Variants in SETD1A observed in about 807,000 individuals in gnomAD.
SETD1A encodes SET domain containing 1A, histone lysine methyltransferase.
SETD1A carries 29 observed loss-of-function variants against 149.9 expected under a neutral mutation model. The observed-to-expected ratio is 0.19, with a 90% CI of 0.14 to 0.26. The LOEUF (loss-of-function observed/expected upper bound fraction) is 0.26, where lower values mean the gene tolerates loss of function less well. Ranked by LOEUF, SETD1A falls within the 10% of genes least tolerant of loss-of-function variation. The pLI, the probability that SETD1A is intolerant of heterozygous loss-of-function variation, is 1.00. For missense variants in SETD1A, 2,109 were observed against 2,353.1 expected, an observed-to-expected ratio of 0.90 and a Z score of 2.15; for synonymous variants, 1,141 against 968.5, an observed-to-expected ratio of 1.18 and a Z score of -3.31.
At chr16:30,963,946 C>G in intron 5 of SETD1A, 148 bp from the exon 6 acceptor site, 1 of 671,396 alleles carries the variant, frequency 1.5e-6, no homozygotes. Flanking sequence ...GAGCCGAGAT[C>G]ACGCCACTGG....
intron 13 of SETD1A, 25 bp from the exon 14 acceptor site, chr16:30,979,120 T>C (rs764867083): frequency 1.4e-4 from 207 of 1,518,282 alleles, no homozygotes; most frequent in Non-Finnish European, 4.6e-5. Flanking sequence ...TGACCTCCTT[T>C]CCTTCCTATG....
chr16:30,972,451 A>G (rs200623952), intron 13 of SETD1A, among the ~76,000 whole-genome samples: 3 of 151,814 alleles, frequency 2.0e-5, no homozygotes, highest in East Asian at 3.9e-4. Context: ...CCTGGCTAAC[A>G]TGGTTGAAAC....
chr16:30,967,670 G>T (rs1420885797), intron 10 of SETD1A, 82 bp downstream of exon 10: 2 of 1,246,602 alleles, frequency 1.6e-6, no homozygotes, highest in African/African-American at 3.0e-5. Context: ...GAAGGGGTCA[G>T]GTCGTCCTGA....
chr16:30,981,885 A>G (rs1001391137), intron 17 of SETD1A, among the ~76,000 whole-genome samples: 6 of 152,132 alleles, frequency 3.9e-5, no homozygotes, highest in Non-Finnish European at 7.4e-5. Context: ...CACGAGGTGG[A>G]GGCTGCTGTG....
At chr16:30,960,525 G>A (rs185987804) in intron 3 of SETD1A, among the ~76,000 whole-genome samples, 73 of 152,138 alleles carry the variant, frequency 4.8e-4, no homozygotes, top group African/African-American at 1.6e-3. Context: ...CCATGTATGC[G>A]TCAGCTGCCA....
At position 30,961,272 on chromosome 16, in the gene SETD1A, C is replaced by T. The variant is rs779778610; in HGVS notation, c.252C>T (p.Asp84=). The T allele has an allele frequency of 1.7e-5, 27 of 1,613,872 alleles. No individual in the cohort carries two copies. The highest frequency in any genetic ancestry group is 2.7e-5 in the African/African-American group (2 of 74,878). The change falls in exon 4 of 19, where the codon GAC becomes GAT. Residue 84 remains aspartate (D), a synonymous_variant. Transcript: ENST00000262519. This position sits in a 1 kb window ranked among gnomAD's most constrained non-coding sequence, Gnocchi z 4.0. The part of the protein sequence containing the change: ...FSLPVPKFKL[D]EFYIGQIPLK... ...AACTCCTGTTCTTTCCCCAGCTGGACGAGTTCTATATTGGACAGATTCCAC... is the reference window on the plus strand; with the variant it reads ...AACTCCTGTTCTTTCCCCAGCTGGATGAGTTCTATATTGGACAGATTCCAC...
In SETD1A at chr16:30,980,674, C is replaced by T. The variant is rs367903649; in HGVS notation, c.4581+17C>T. The T allele has an allele frequency of 2.2e-4, 358 of 1,610,122 alleles. 1 individual carries two copies. The highest frequency in any genetic ancestry group is 2.2e-4 in the Non-Finnish European group (263 of 1,178,926). On this transcript the variant is annotated intron_variant, in intron 15 of 18. Coordinates refer to ENST00000262519, the MANE Select transcript of SETD1A (RefSeq NM_014712.3). The surrounding 1 kb of genome is among the most constrained non-coding windows in gnomAD (Gnocchi z 7.7). ...GACACTCAGGTGGGCCTAACCCCGC[C>T]GCCGCGTCCTCCTGCCACTCACTTC...
Position 30,969,362 on chromosome 16 carries a change from A to C in SETD1A, c.2828A>C (p.Lys943Thr). The change falls in exon 11 of 19, where the codon AAG (lysine) becomes ACG (threonine). Residue 943 changes from lysine (K) to threonine (T), a missense_variant. Coordinates refer to ENST00000262519, the MANE Select transcript of SETD1A (RefSeq NM_014712.3). The stretch of plus-strand genomic sequence containing the variant: ...GGACGTCCGGGGACCAAGCCCCCGA[A>C]GCGGGACGAAGAGCGAGGCAAGACC... The part of the protein sequence containing the change: ...EPGRPGTKPP[K>T]RDEERGKTQG... The C allele has an allele frequency of 1.2e-6, 2 of 1,614,224 alleles. No individual in the cohort carries two copies. Among genetic ancestry groups the C allele is most frequent in the Non-Finnish European group, 1.7e-6 (2 of 1,180,026 alleles).
chr16:30,969,536 C>G, intron 11 of SETD1A, 66 bp from the exon 12 acceptor site: 1 of 1,600,580 alleles, frequency 6.2e-7, no homozygotes, highest in Non-Finnish European at 8.5e-7. Context: ...GGAGCCCAGG[C>G]AGCTGTGCCT....
At chr16:30,971,165 TCAGA>T (rs1024567199) in intron 12 of SETD1A, among the ~76,000 whole-genome samples, 1 of 152,196 alleles carries the variant, frequency 6.6e-6, no homozygotes, top group Non-Finnish European at 1.5e-5. Context: ...TCGGGCCTCT[TCAGA>T]CAGAGTCTGG....
In SETD1A at chr16:30,980,440, G is replaced by A. The variant is rs757038898; in HGVS notation, c.4409-45G>A. 20 of 1,577,496 alleles carry A rather than the reference G, an allele frequency of 1.3e-5. No homozygotes were observed. The highest frequency in any genetic ancestry group is 1.6e-5 in the Non-Finnish European group (19 of 1,159,554). On this transcript the variant is annotated intron_variant, in intron 14 of 18. Coordinates refer to ENST00000262519, the MANE Select transcript of SETD1A (RefSeq NM_014712.3). This position sits in a 1 kb window ranked among gnomAD's most constrained non-coding sequence, Gnocchi z 7.7. The stretch of plus-strand genomic sequence containing the variant: ...CCCCGCCCTCTCCTTTGGCTGGGAC[G>A]CAGGTGGCCAGAGAGGAGCCGTTCT...
At position 30,966,292 on chromosome 16, in the gene SETD1A, G is replaced by C; in HGVS notation, c.2411G>C (p.Ser804Thr). 6.2e-7 allele frequency: 1 copy of C among 1,613,954 alleles called. No individual in the cohort carries two copies. Among genetic ancestry groups the C allele is most frequent in the Non-Finnish European group, 8.5e-7 (1 of 1,180,024 alleles). ...VLAMLVQEMK[S>T]IMQRDLNRKM... ...GCCATGCTGGTCCAGGAGATGAAGA[G>C]CATCATGCAGCGAGACCTCAACCGC... The change falls in exon 8 of 19, where the codon AGC (serine) becomes ACC (threonine). Residue 804 changes from serine (S) to threonine (T), a missense_variant. By Grantham distance (58) the Ser-to-Thr change is moderately conservative (BLOSUM62 1). Transcript: ENST00000262519.
chr16:30,979,222 C>A lies in SETD1A; in HGVS notation c.3436C>A (p.Arg1146Ser). Residue 1146 changes from arginine to serine, a missense_variant, in exon 14 of 19, where the codon CGC (arginine) becomes AGC (serine). Transcript: ENST00000262519. ...TGCTGGGCCCCCGGCCCCTGCCCCA[C>A]GCCCCGATGAGCGTCCCTCTTCTCC... ...PPAGPPAPAP[R>S]PDERPSSPIP... The A allele has an allele frequency of 6.3e-7, 1 of 1,588,956 alleles. No individual in the cohort carries two copies. The highest frequency in any genetic ancestry group is 8.6e-7 in the Non-Finnish European group (1 of 1,166,702).
chr16:30,960,233 C>T (rs1046515939), intron 3 of SETD1A, among the ~76,000 whole-genome samples: 1 of 152,138 alleles, frequency 6.6e-6, no homozygotes, highest in African/African-American at 2.4e-5. Context: ...CTGCTGTTTT[C>T]CTTTTGTTGC....
rs773889623 is a variant in SETD1A, at chr16:30,980,024, G to A, written c.4238G>A (p.Arg1413His). 46 of 680,324 alleles carry A rather than the reference G, an allele frequency of 6.8e-5. No individual in the cohort carries two copies. The highest frequency in any genetic ancestry group is 1.1e-4 in the African/African-American group (4 of 35,054). 42.1% of individuals were successfully genotyped at this position (680,324 alleles called of 1,614,324 possible). A position where few individuals can be genotyped will look rare whatever the true frequency, so the allele number is the denominator to read the frequency against. The stretch of plus-strand genomic sequence containing the variant: ...CCCCCACCCCCGCCGCCACCGCCCC[G>A]CGCCTACGAGCCACGCAGTGAGTTT... ...PPPPPPPPPP[R>H]AYEPRSEFEQ... The change falls in exon 14 of 19, where the codon CGC becomes CAC. Residue 1413 changes from arginine to histidine, a missense_variant. Arg to His is a conservative substitution (Grantham distance 29). This residue lies in a region of SETD1A where 832 missense variants were observed against 815.6 expected (regional missense o/e 1.02). Transcript: ENST00000262519. The surrounding 1 kb of genome is among the most constrained non-coding windows in gnomAD (Gnocchi z 7.7).
intron 8 of SETD1A, 98 bp downstream of exon 8, chr16:30,966,484 G>A: frequency 2.1e-6 from 3 of 1,457,392 alleles, no homozygotes; most frequent in Admixed American, 2.8e-5. Flanking sequence ...GACAGGTGAT[G>A]GAGGCGAGTG....
intron 3 of SETD1A, among the ~76,000 whole-genome samples, chr16:30,959,585 C>G (rs192008399): frequency 6.6e-6 from 1 of 152,278 alleles, no homozygotes; most frequent in East Asian, 1.9e-4. Flanking sequence ...TTGGCGATGT[C>G]ATTTCCCTCT....
At chr16:30,976,515 G>C (rs981495618) in intron 13 of SETD1A, among the ~76,000 whole-genome samples, 7 of 152,196 alleles carry the variant, frequency 4.6e-5, no homozygotes, top group African/African-American at 7.2e-5. Flanking sequence ...GCTGGGACAG[G>C]AGAGGGCAAA....
In SETD1A at chr16:30,961,146, C is replaced by T; in HGVS notation, c.247-121C>T. The stretch of plus-strand genomic sequence containing the variant: ...TGGATCCCTTATTTTGGGCCCCTTC[C>T]CTTGCCCCTCACTTTCCCGGATCTC... On this transcript the variant is annotated intron_variant, in intron 3 of 18. Coordinates refer to ENST00000262519, the MANE Select transcript of SETD1A (RefSeq NM_014712.3). The surrounding 1 kb of genome is among the most constrained non-coding windows in gnomAD (Gnocchi z 4.0). The T allele has an allele frequency of 9.9e-7, 1 of 1,005,966 alleles. No individual in the cohort carries two copies. Among genetic ancestry groups the T allele is most frequent in the Non-Finnish European group, 1.5e-6 (1 of 654,186 alleles). 62.3% of individuals were successfully genotyped at this position (1,005,966 alleles called of 1,614,324 possible).
Sources: allele counts gnomAD v4.1 joint callset (sites outside exome capture counted in the v4.1 genomes callset), GRCh38; gene constraint gnomAD v4.1.1; regional missense constraint gnomAD v4.1.1; non-coding constraint Gnocchi (gnomAD v3.1); transcripts MANE v1.5; gene names NCBI Gene and HGNC (gene_info 2026-07-23, HGNC 2026-07-21).